FAM168A: variants seen among roughly 807,000 people sequenced by gnomAD.
FAM168A encodes family with sequence similarity 168 member A.
FAM168A carries 3 observed loss-of-function variants against 28.5 expected under a neutral mutation model. The observed-to-expected ratio is 0.11, with a 90% confidence interval of 0.05 to 0.27. The LOEUF (loss-of-function observed/expected upper bound fraction) is 0.27. Among genes scored for constraint, FAM168A ranks in the 10% least tolerant of loss-of-function variants. The pLI is 1.00. For synonymous variants in FAM168A, 122 were observed against 124.2 expected (o/e 0.98, Z 0.12); for missense variants, 222 against 311.5 (o/e 0.71, Z 2.16).
chr11:73,468,553 T>G, intron 1 of FAM168A, 61 bp from the exon 2 acceptor site: 2 of 1,309,082 alleles, frequency 1.5e-6, no homozygotes, highest in Non-Finnish European at 2.2e-6. Context: ...TGACATCAGC[T>G]TCTCCTCCAT....
chr11:73,529,823 T>C (rs1943494422), intron 1 of FAM168A, among the ~76,000 whole-genome samples: 2 of 133,736 alleles, frequency 1.5e-5, no homozygotes, highest in Admixed American at 1.5e-4. Context: ...GGAGACGCAG[T>C]CTTGCTCTGT....
At chr11:73,472,444 G>A (rs1867828765) in intron 1 of FAM168A, among the ~76,000 whole-genome samples, 1 of 152,304 alleles carries the variant, frequency 6.6e-6, no homozygotes, top group South Asian at 2.1e-4. Flanking sequence ...AGATCAGACA[G>A]GTAATGAAGG....
chr11:73,566,488 C>A (rs906540598), intron 1 of FAM168A, among the ~76,000 whole-genome samples: 3 of 152,204 alleles, frequency 2.0e-5, no homozygotes, highest in African/African-American at 7.2e-5. Context: ...CCAAAATCCA[C>A]ATGGAAAGAC....
intron 1 of FAM168A, among the ~76,000 whole-genome samples, chr11:73,482,771 C>T (rs1267695865): frequency 6.6e-6 from 1 of 152,048 alleles, no homozygotes; most frequent in Non-Finnish European, 1.5e-5. Context: ...CAGAGTCTCG[C>T]TCTGTCACCC....
intron 2 of FAM168A, among the ~76,000 whole-genome samples, chr11:73,452,894 G>T (rs780978144): frequency 1.1e-4 from 16 of 151,802 alleles, no homozygotes; most frequent in Non-Finnish European, 1.6e-4. Flanking sequence ...TATGCTGCAG[G>T]TTACAAAAAA....
chr11:73,494,672 C>T (rs974834908), intron 1 of FAM168A, among the ~76,000 whole-genome samples: 5 of 152,138 alleles, frequency 3.3e-5, no homozygotes, highest in African/African-American at 1.2e-4. Context: ...AGATTCCTAG[C>T]AGCACCAACG....
Position 73,411,418 on chromosome 11 carries a change from G to T in FAM168A, c.396C>A (p.Tyr132Ter). ...QTAMYPIRSA[Y>*]PQQNLYAQGA... ...CCTGGGCATACAGATTCTGCTGGGGGTAGGCACTTCTGATTGGATACATGG... is the reference window on the plus strand; with the variant it reads ...CCTGGGCATACAGATTCTGCTGGGGTTAGGCACTTCTGATTGGATACATGG... The change falls in exon 5 of 8, where the codon TAC (tyrosine) becomes TAA (stop). Residue 132 changes from tyrosine to a stop codon, truncating the protein, a stop_gained. Transcript: ENST00000356467. LOFTEE classifies it high-confidence loss of function. 1 of 1,609,894 alleles carries T rather than the reference G, an allele frequency of 6.2e-7. No individual in the cohort carries two copies. Among genetic ancestry groups the T allele is most frequent in the African/African-American group, 1.3e-5 (1 of 74,958 alleles).
rs1266754375 is a variant in FAM168A at position 73,597,060 on chromosome 11, T to C, written c.-19+863A>G. Among the ~76,000 whole-genome samples the C allele has an allele frequency of 3.9e-5, 6 of 152,158 alleles. No homozygotes were observed. The East Asian group carries it at 9.7e-4, about 25-fold the overall frequency. ...GAGCCACCATGCCCTTTCCAGTGAT[T>C]GTAAGATCACCCTAAATCCAACCCA... On this transcript the variant is annotated intron_variant, in intron 1 of 7. Transcript: ENST00000356467.
intron 7 of FAM168A, among the ~76,000 whole-genome samples, chr11:73,406,945 C>T (rs1044266538): frequency 6.6e-6 from 1 of 152,186 alleles, no homozygotes; most frequent in Non-Finnish European, 1.5e-5. Flanking sequence ...AGTGACATCC[C>T]TGGAGCCCTA....
At chr11:73,482,653 A>G (rs1250661788) in intron 1 of FAM168A, among the ~76,000 whole-genome samples, 1 of 152,010 alleles carries the variant, frequency 6.6e-6, no homozygotes, top group East Asian at 1.9e-4. Context: ...AGCATGCAAA[A>G]TAATCACCTT....
chr11:73,464,332 G>A (rs1867698737), intron 2 of FAM168A, among the ~76,000 whole-genome samples: 1 of 148,944 alleles, frequency 6.7e-6, no homozygotes, highest in Non-Finnish European at 1.5e-5. Flanking sequence ...TGGGGGTGGG[G>A]GGGAAAACAA....
intron 5 of FAM168A, 52 bp from the exon 6 acceptor site, chr11:73,409,713 A>T: frequency 6.5e-7 from 1 of 1,546,460 alleles, no homozygotes; most frequent in African/African-American, 1.4e-5. Flanking sequence ...TAGGTGGGAT[A>T]TGGAGAGAGC....
At chr11:73,477,966 T>TAGAC (rs1166911885) in intron 1 of FAM168A, among the ~76,000 whole-genome samples, 6 of 141,722 alleles carry the variant, frequency 4.2e-5, no homozygotes, top group African/African-American at 1.6e-4. Flanking sequence ...GATAGATAGA[T>TAGAC]AGATAAAACA....
intron 1 of FAM168A, among the ~76,000 whole-genome samples, chr11:73,484,672 A>G (rs1027133200): frequency 7.0e-6 from 1 of 142,714 alleles, no homozygotes; most frequent in African/African-American, 2.5e-5. Context: ...ATAGATATAG[A>G]TATGTATCGC....
At chr11:73,535,725 T>C (rs1215791465) in intron 1 of FAM168A, among the ~76,000 whole-genome samples, 2 of 145,260 alleles carry the variant, frequency 1.4e-5, no homozygotes, top group Admixed American at 6.9e-5. Context: ...CACCCTTCTT[T>C]TTTTTTTTTT....
At chr11:73,457,836 T>C (rs1298330750) in intron 2 of FAM168A, among the ~76,000 whole-genome samples, 1 of 151,226 alleles carries the variant, frequency 6.6e-6, no homozygotes, top group Non-Finnish European at 1.5e-5. Context: ...TTTTCATAAG[T>C]ATACCCATAT....
rs911402614 is a variant in FAM168A at position 73,405,292 on chromosome 11, T to A, written c.*1471A>T. On this transcript the variant is annotated 3_prime_UTR_variant, in exon 8 of 8. Transcript: ENST00000356467. ...TTTCTGTTCCTGCCATCCGCCCCCA[T>A]GTAGCCTCTGCCCAGTCTTCAACCC... is the stretch of plus-strand genomic sequence containing the variant. 1 of 152,194 alleles carries A rather than the reference T, an allele frequency of 6.6e-6. No homozygotes were observed. The highest frequency in any genetic ancestry group is 2.4e-5 in the African/African-American group (1 of 41,424). The allele number at this position is 152,194 out of a possible 1,614,324, so 9.4% of individuals were successfully genotyped here. A position where few individuals can be genotyped will look rare whatever the true frequency, so the allele number is the denominator to read the frequency against.
At chr11:73,557,770 T>G (rs560834295) in intron 1 of FAM168A, among the ~76,000 whole-genome samples, 42 of 152,264 alleles carry the variant, frequency 2.8e-4, no homozygotes, top group African/African-American at 9.6e-4. Flanking sequence ...CAAAATTCAC[T>G]ATAAAACTAT....
chr11:73,548,807 A>G, intron 1 of FAM168A, among the ~76,000 whole-genome samples: 1 of 151,036 alleles, frequency 6.6e-6, no homozygotes, highest in African/African-American at 2.4e-5. Flanking sequence ...AGGCCAGACA[A>G]TTTTTTTTTG....
Sources: allele counts gnomAD v4.1 joint callset (sites outside exome capture counted in the v4.1 genomes callset), GRCh38; gene constraint gnomAD v4.1.1; transcripts MANE v1.5; gene names NCBI Gene and HGNC (gene_info 2026-07-23, HGNC 2026-07-21).